The following NDRG2 variants were observed in gnomAD, a reference collection of about 807,000 sequenced individuals.
NDRG2 encodes the protein NDRG family member 2.
In NDRG2, 34 loss-of-function variants were observed where a neutral mutation model predicts 58.2. The ratio of observed to expected loss-of-function variants is 0.58; its 90% CI spans 0.44 to 0.78. The LOEUF is 0.78. Among genes scored for constraint, NDRG2 ranks in the 30% least tolerant of loss-of-function variants. The probability of loss-of-function intolerance (pLI) is 0.00; values close to 1 mark genes in which losing one functional copy is unlikely to be tolerated. For missense variants in NDRG2, 434 were observed against 471.2 expected, an observed-to-expected ratio of 0.92 and a Z score of 0.73; for synonymous variants, 187 against 175.9, an observed-to-expected ratio of 1.06 and a Z score of -0.50.
At chr14:21,046,594 C>G (rs1021370907) in intron 1 of NDRG2, among the ~76,000 whole-genome samples, 4 of 150,996 alleles carry the variant, frequency 2.6e-5, no homozygotes, top group Non-Finnish European at 5.9e-5. Context: ...TACATACATA[C>G]CTTGGTCTCA....
At chr14:21,069,174 C>T (rs1275427412) in intron 1 of NDRG2, among the ~76,000 whole-genome samples, 1 of 152,248 alleles carries the variant, frequency 6.6e-6, no homozygotes, top group Admixed American at 6.5e-5. Flanking sequence ...GGCATCTCCC[C>T]GCCGTGCCCG....
chr14:21,054,379 C>G (rs1885591494), intron 1 of NDRG2, among the ~76,000 whole-genome samples: 2 of 151,978 alleles, frequency 1.3e-5, no homozygotes, highest in South Asian at 4.2e-4. Context: ...AGTTCAGTGT[C>G]AAGAACATAG....
At chr14:21,045,943 T>C (rs997563923) in intron 1 of NDRG2, among the ~76,000 whole-genome samples, 13 of 152,228 alleles carry the variant, frequency 8.5e-5, no homozygotes, top group African/African-American at 3.1e-4. Context: ...TTGAACTGTA[T>C]ACTTAAGATT....
chr14:21,058,166 A>G (rs1885766750), intron 1 of NDRG2: 1 of 1,613,996 alleles, frequency 6.2e-7, no homozygotes, highest in African/African-American at 1.3e-5. Flanking sequence ...CTGCAAGAAT[A>G]GCTGTAAAAA....
upstream of NDRG2, chr14:21,025,703 G>A: frequency 1.0e-6 from 1 of 984,590 alleles, no homozygotes; most frequent in Admixed American, 6.2e-5. The surrounding 1 kb of genome is among the most constrained non-coding windows in gnomAD (Gnocchi z 5.1). Context: ...GCGTCCCGAC[G>A]CCTGCTCTCC....
At position 21,070,421 on chromosome 14, in the gene NDRG2, C is replaced by T; in HGVS notation, c.24+407G>A. The T allele has an allele frequency of 7.1e-7, 1 of 1,409,558 alleles. No individual in the cohort carries two copies. Among genetic ancestry groups the T allele is most frequent in the South Asian group, 1.6e-5 (1 of 63,984 alleles). 87.3% of individuals were successfully genotyped at this position (1,409,558 alleles called of 1,614,324 possible). ...CATGGTGAGTCCAGCGTCGCAGCCC[C>T]CTGGGTCCCCTCGGCCTTCGCGCAG... On this transcript the variant is annotated intron_variant, in intron 1 of 14. Transcript: ENST00000403829. This position sits in a 1 kb window ranked among gnomAD's most constrained non-coding sequence, Gnocchi z 4.7.
chr14:21,020,386 T>G, intron 8 of NDRG2, 110 bp downstream of exon 8: 2 of 803,246 alleles, frequency 2.5e-6, no homozygotes, highest in Non-Finnish European at 4.2e-6. Flanking sequence ...GCCCCTTTAC[T>G]CCCTCCTTGA....
At chr14:21,039,314 G>C (rs745373579) in intron 1 of NDRG2, among the ~76,000 whole-genome samples, 3 of 152,196 alleles carry the variant, frequency 2.0e-5, no homozygotes, top group Admixed American at 6.5e-5. Flanking sequence ...AGGAGAAGCT[G>C]GGCCAACAGA....
chr14:21,036,579 A>C (rs1884642932), intron 1 of NDRG2, among the ~76,000 whole-genome samples: 1 of 152,134 alleles, frequency 6.6e-6, no homozygotes, highest in African/African-American at 2.4e-5. Context: ...ACTACATCTC[A>C]CAGGACATAA....
chr14:21,050,925 C>CT (rs569931399), intron 1 of NDRG2, among the ~76,000 whole-genome samples: 8 of 152,252 alleles, frequency 5.3e-5, no homozygotes, highest in South Asian at 2.1e-4. Context: ...CTTTCTGAAA[C>CT]TTTTATATAC....
At chr14:21,032,574 T>C (rs1400800565) in intron 1 of NDRG2, 1 of 345,846 alleles carries the variant, frequency 2.9e-6, no homozygotes, top group African/African-American at 2.2e-5. Flanking sequence ...CCAGCTAAGG[T>C]TGCCTGACTT....
chr14:21,020,296 A>G, intron 8 of NDRG2, 200 bp downstream of exon 8: 1 of 341,554 alleles, frequency 2.9e-6, no homozygotes, highest in Non-Finnish European at 5.5e-6. Flanking sequence ...ACCATCTCAA[A>G]AAAAAAAAAA....
chr14:21,032,793 G>C (rs1320291231), intron 1 of NDRG2: 1 of 372,320 alleles, frequency 2.7e-6, no homozygotes, highest in African/African-American at 2.1e-5. Context: ...TGAAGAAAAA[G>C]CAATTAAATC....
chr14:21,064,348 C>T (rs1362397305), intron 1 of NDRG2, among the ~76,000 whole-genome samples: 1 of 151,906 alleles, frequency 6.6e-6, no homozygotes, highest in Admixed American at 6.6e-5. Flanking sequence ...GTTGCCCAGG[C>T]TGCAGTGTAG....
At chr14:21,031,111 G>A (rs1319338003) in intron 1 of NDRG2, 1 of 1,614,048 alleles carries the variant, frequency 6.2e-7, no homozygotes, top group Non-Finnish European at 8.5e-7. Context: ...ATGAAGTCCT[G>A]GAGAACATTT....
chr14:21,021,743 G>A, intron 6 of NDRG2, 74 bp downstream of exon 6: 1 of 1,498,538 alleles, frequency 6.7e-7, no homozygotes, highest in East Asian at 2.4e-5. Context: ...GAACCACGGT[G>A]AACCTGGAAG....
At chr14:21,042,874 C>T in intron 1 of NDRG2, 1 of 830,924 alleles carries the variant, frequency 1.2e-6, no homozygotes, top group Non-Finnish European at 1.8e-6. Context: ...AAGGAGACAA[C>T]CGAGTAGGGA....
intron 1 of NDRG2, among the ~76,000 whole-genome samples, chr14:21,040,639 C>A (rs1884845764): frequency 6.6e-6 from 1 of 152,234 alleles, no homozygotes; most frequent in Non-Finnish European, 1.5e-5. Context: ...TGGTCCCTCT[C>A]TGAACTCTCA....
intron 1 of NDRG2, among the ~76,000 whole-genome samples, chr14:21,034,461 G>A (rs1309874515): frequency 6.6e-6 from 1 of 152,164 alleles, no homozygotes; most frequent in African/African-American, 2.4e-5. Flanking sequence ...AGGCCACCCA[G>A]ACAACCAGCC....
Sources: allele counts gnomAD v4.1 joint callset (sites outside exome capture counted in the v4.1 genomes callset), GRCh38; gene constraint gnomAD v4.1.1; non-coding constraint Gnocchi (gnomAD v3.1); transcripts MANE v1.5; gene names NCBI Gene and HGNC (gene_info 2026-07-23, HGNC 2026-07-21).